The following SERGEF variants were observed in gnomAD, a reference collection of about 807,000 sequenced individuals.
The protein encoded by SERGEF is secretion regulating guanine nucleotide exchange factor, also known as secretion-regulating guanine nucleotide exchange factor.
A neutral mutation model predicts 50.0 loss-of-function variants in SERGEF; 51 were observed. The observed-to-expected ratio is 1.02, with a 90% confidence interval of 0.81 to 1.29. The LOEUF is 1.29. Ranked by LOEUF, SERGEF falls within the 50% of genes most tolerant of loss-of-function variation. The probability of loss-of-function intolerance (pLI) is 0.00; values close to 1 mark genes in which losing one functional copy is unlikely to be tolerated. For synonymous variants in SERGEF, 205 were observed against 212.4 expected (o/e 0.97, Z 0.30); for missense variants, 521 against 557.0 (o/e 0.94, Z 0.65).
At chr11:17,807,493 G>A (rs1461838686) in intron 10 of SERGEF, among the ~76,000 whole-genome samples, 1 of 152,248 alleles carries the variant, frequency 6.6e-6, no homozygotes, top group African/African-American at 2.4e-5. Context: ...CTGGCTGTCT[G>A]CACTGTGGCT....
At chr11:17,976,182 T>A (rs1170109999) in intron 8 of SERGEF, among the ~76,000 whole-genome samples, 2 of 152,162 alleles carry the variant, frequency 1.3e-5, no homozygotes, top group African/African-American at 2.4e-5. Flanking sequence ...AGGTAAAAAG[T>A]CACTCTCTGA....
chr11:17,859,456 G>T (rs377490632), intron 10 of SERGEF, among the ~76,000 whole-genome samples: 44 of 152,074 alleles, frequency 2.9e-4, no homozygotes, highest in African/African-American at 1.0e-3. Flanking sequence ...TAGGAGTCAG[G>T]AAATTCAATA....
chr11:17,822,837 C>A lies in SERGEF; in HGVS notation c.1049-34424G>T, dbSNP rs980928490. Among the ~76,000 whole-genome samples, 3 of 152,178 alleles carry A rather than the reference C, an allele frequency of 2.0e-5. No individual in the cohort carries two copies. The South Asian group carries it at 6.2e-4, about 31-fold the overall frequency. ...GAGCACAGAGATTTCATTTAATAAA[C>A]TCTTAATTTTAGAATAGCTTTAGGT... On this transcript the variant is annotated intron_variant, in intron 10 of 10. Coordinates refer to ENST00000265965, the MANE Select transcript of SERGEF (RefSeq NM_012139.4).
At chr11:17,988,506 T>C in intron 8 of SERGEF, 91 bp downstream of exon 8, 1 of 1,261,280 alleles carries the variant, frequency 7.9e-7, no homozygotes, top group South Asian at 1.5e-5. Flanking sequence ...CTTTCATCAG[T>C]AAAAAGGCTT....
At chr11:17,846,487 T>G in intron 10 of SERGEF, 1 of 353,816 alleles carries the variant, frequency 2.8e-6, no homozygotes, top group South Asian at 2.2e-5. Flanking sequence ...CTGTCCTGAT[T>G]CAGATAAGTT....
intron 1 of SERGEF, chr11:18,012,362 A>G (rs1854213895): frequency 2.3e-6 from 1 of 433,176 alleles, no homozygotes; most frequent in African/African-American, 2.2e-5. Flanking sequence ...ACACATCAAG[A>G]TGACCCTGTC....
chr11:17,863,394 C>A (rs1850961487), intron 10 of SERGEF, among the ~76,000 whole-genome samples: 1 of 152,296 alleles, frequency 6.6e-6, no homozygotes, highest in South Asian at 2.1e-4. Flanking sequence ...CTGTTGGAGA[C>A]CTGGTCCTAA....
At chr11:17,984,816 A>C (rs1282641161) in intron 8 of SERGEF, among the ~76,000 whole-genome samples, 1 of 152,186 alleles carries the variant, frequency 6.6e-6, no homozygotes, top group Non-Finnish European at 1.5e-5. Context: ...TTCATTCAGC[A>C]CTTAGTTACT....
intron 10 of SERGEF, among the ~76,000 whole-genome samples, chr11:17,845,582 T>C (rs904177170): frequency 3.3e-5 from 5 of 152,206 alleles, no homozygotes; most frequent in East Asian, 1.9e-4. Flanking sequence ...TTTTCCCATT[T>C]GTAAGTGAAG....
chr11:17,994,161 T>A (rs1448793566), intron 6 of SERGEF, among the ~76,000 whole-genome samples: 2 of 151,960 alleles, frequency 1.3e-5, no homozygotes, highest in East Asian at 3.9e-4. Flanking sequence ...GCATGTGAAG[T>A]TAATGCAGTG....
intron 9 of SERGEF, among the ~76,000 whole-genome samples, chr11:17,905,921 A>T (rs1029488356): frequency 2.0e-5 from 3 of 152,206 alleles, no homozygotes; most frequent in African/African-American, 7.2e-5. Context: ...CCAACCCCAG[A>T]TTGCTGAGGA....
intron 4 of SERGEF, 163 bp from the exon 5 acceptor site, chr11:18,000,720 T>C: frequency 1.4e-6 from 1 of 711,438 alleles, no homozygotes; most frequent in Non-Finnish European, 2.6e-6. Context: ...TCTACATTTA[T>C]CCCTAAAAGA....
At position 17,820,934 on chromosome 11, in the gene SERGEF, G is replaced by A. The variant is rs1177686260; in HGVS notation, c.1049-32521C>T. On this transcript the variant is annotated intron_variant, in intron 10 of 10. Coordinates refer to ENST00000265965, the MANE Select transcript of SERGEF (RefSeq NM_012139.4). ...GCCACCAGAAGCTGGAAGGGTCAAA[G>A]AACAGATTCTCCCCTAGAGCCCACA... Among the ~76,000 whole-genome samples, 3 of 152,146 alleles carry A rather than the reference G, an allele frequency of 2.0e-5. No individual in the cohort carries two copies. In the East Asian group the frequency reaches 5.8e-4, roughly 29 times the overall value.
At chr11:17,913,807 C>G (rs1381920397) in intron 9 of SERGEF, among the ~76,000 whole-genome samples, 1 of 152,180 alleles carries the variant, frequency 6.6e-6, no homozygotes, top group Non-Finnish European at 1.5e-5. Context: ...ACAGGCTCTA[C>G]TGCAGCCCTT....
intron 9 of SERGEF, among the ~76,000 whole-genome samples, chr11:17,909,480 T>C (rs1851909593): frequency 6.6e-6 from 1 of 152,214 alleles, no homozygotes; most frequent in Non-Finnish European, 1.5e-5. Context: ...GAAAGGTCAA[T>C]GCTTAATCCA....
At chr11:17,988,417 C>G (rs1159848763) in intron 8 of SERGEF, among the ~76,000 whole-genome samples, 180 bp downstream of exon 8, 1 of 152,148 alleles carries the variant, frequency 6.6e-6, no homozygotes, top group Non-Finnish European at 1.5e-5. Context: ...GGGTACAAAC[C>G]TGTGACTCTG....
At chr11:17,851,480 T>C (rs1001947092) in intron 10 of SERGEF, among the ~76,000 whole-genome samples, 3 of 152,276 alleles carry the variant, frequency 2.0e-5, no homozygotes, top group Admixed American at 6.5e-5. Context: ...GGATGCTCTA[T>C]AGAGCCCCCG....
chr11:17,830,497 T>G (rs1316698833), intron 10 of SERGEF, among the ~76,000 whole-genome samples: 1 of 151,672 alleles, frequency 6.6e-6, no homozygotes, highest in Non-Finnish European at 1.5e-5. Context: ...GTGAGGGCCT[T>G]CCTGATGCAT....
chr11:17,957,436 C>A (rs1273634740), intron 9 of SERGEF, among the ~76,000 whole-genome samples: 1 of 152,076 alleles, frequency 6.6e-6, no homozygotes. Flanking sequence ...ATCTAAGAAT[C>A]CTCTGTTCCT....
Sources: gnomAD v4.1 joint callset for allele counts (sites outside exome capture counted in the v4.1 genomes callset) on GRCh38, gnomAD v4.1.1 for gene constraint, MANE v1.5 for transcripts, NCBI Gene and HGNC (gene_info 2026-07-23, HGNC 2026-07-21) for gene names.